TRIP12: variants seen among roughly 807,000 people sequenced by gnomAD.
TRIP12 encodes the protein thyroid hormone receptor interactor 12.
TRIP12 carries 25 observed loss-of-function variants against 244.2 expected under a neutral mutation model. The observed-to-expected ratio is 0.10, with a 90% CI of 0.07 to 0.14. The LOEUF is 0.14. Among genes scored for constraint, TRIP12 ranks in the 10% least tolerant of loss-of-function variants. The pLI is 1.00. For missense variants in TRIP12, 1,677 were observed against 2,486.4 expected (o/e 0.67, Z 6.92); for synonymous variants, 905 against 873.1 (o/e 1.04, Z -0.64).
chr2:229,907,285 A>G (rs2073109086), intron 1 of TRIP12, among the ~76,000 whole-genome samples: 1 of 152,214 alleles, frequency 6.6e-6, no homozygotes, highest in South Asian at 2.1e-4. Context: ...TAAAAACTGA[A>G]AAGAATCCTG....
intron 15 of TRIP12, 74 bp downstream of exon 15, chr2:229,810,806 G>A (rs1384008830): frequency 6.8e-7 from 1 of 1,463,586 alleles, no homozygotes; most frequent in East Asian, 2.3e-5. Flanking sequence ...CATTTGCTCG[G>A]CTTATGTTGA....
chr2:229,893,224 T>C (rs1330376967), intron 1 of TRIP12, among the ~76,000 whole-genome samples: 4 of 152,216 alleles, frequency 2.6e-5, no homozygotes, highest in African/African-American at 7.2e-5. Context: ...ATCCTATTTT[T>C]TGATGTATTT....
intron 17 of TRIP12, among the ~76,000 whole-genome samples, chr2:229,806,756 A>AT (rs1163719970): frequency 1.3e-5 from 2 of 152,196 alleles, no homozygotes; most frequent in Non-Finnish European, 2.9e-5. Flanking sequence ...AAAACTCTTG[A>AT]TTTTATGAGG....
rs373895607 is a variant in TRIP12 at position 229,905,824 on chromosome 2, G to T, written c.-50+16056C>A. Among the ~76,000 whole-genome samples the T allele has an allele frequency of 4.6e-5, 7 of 152,210 alleles. No individual in the cohort carries two copies. In the East Asian group the frequency reaches 7.7e-4, roughly 17 times the overall value. On this transcript the variant is annotated intron_variant, in intron 1 of 41. Transcript: ENST00000675903. ...GGAGAGAACACATGCACTGCACAAA[G>T]CAATTAAGTTCTATAAAAAGCAGGC...
At chr2:229,782,417 T>C (rs1050370711) in intron 34 of TRIP12, among the ~76,000 whole-genome samples, 2 of 152,116 alleles carry the variant, frequency 1.3e-5, no homozygotes, top group African/African-American at 4.8e-5. Flanking sequence ...TCTCTTTCAC[T>C]AAGGTCTAAC....
At chr2:229,897,883 C>A (rs1030645122) in intron 1 of TRIP12, among the ~76,000 whole-genome samples, 3 of 152,202 alleles carry the variant, frequency 2.0e-5, no homozygotes, top group Admixed American at 6.5e-5. Flanking sequence ...ACCTAACACC[C>A]TTCCAGATAG....
chr2:229,849,765 C>T (rs754999092), intron 4 of TRIP12, among the ~76,000 whole-genome samples: 19 of 151,828 alleles, frequency 1.3e-4, no homozygotes, highest in South Asian at 4.1e-4. Context: ...CCCAGCTACC[C>T]GGGATGCTGA....
At chr2:229,784,779 T>C (rs761137465) in intron 34 of TRIP12, among the ~76,000 whole-genome samples, 15 of 152,202 alleles carry the variant, frequency 9.9e-5, no homozygotes, top group Non-Finnish European at 1.9e-4. Flanking sequence ...CCAAGTGTTG[T>C]GAGTATGAGA....
Position 229,796,584 on chromosome 2 carries a change from A to G in TRIP12, c.3816+7T>C. The G allele has an allele frequency of 6.4e-7, 1 of 1,572,844 alleles. No homozygotes were observed. The highest frequency in any genetic ancestry group is 8.6e-7 in the Non-Finnish European group (1 of 1,164,602). ...AAAAGATACACAGGCATTATTAGAT[A>G]ACTTACTGGAGAAGAAAAAAATACA... On this transcript the variant is annotated splice_region_variant and intron_variant, in intron 25 of 41. Coordinates refer to ENST00000675903, the MANE Select transcript of TRIP12 (RefSeq NM_001348323.3).
intron 1 of TRIP12, among the ~76,000 whole-genome samples, chr2:229,910,795 C>A (rs1010849315): frequency 6.6e-6 from 1 of 152,166 alleles, no homozygotes; most frequent in Non-Finnish European, 1.5e-5. Context: ...ATGAACTCTG[C>A]AATTAACAGT....
intron 1 of TRIP12, among the ~76,000 whole-genome samples, chr2:229,914,165 A>G (rs2074921719): frequency 1.3e-5 from 2 of 152,094 alleles, no homozygotes. Context: ...GGATCGCACC[A>G]CTGCACTCCA....
chr2:229,818,034 C>CA (rs1324226599), intron 9 of TRIP12, among the ~76,000 whole-genome samples: 4 of 152,018 alleles, frequency 2.6e-5, no homozygotes. Flanking sequence ...GCCTATTGCT[C>CA]CGTGGATCAC....
chr2:229,909,695 A>T (rs2073877732), intron 1 of TRIP12, among the ~76,000 whole-genome samples: 1 of 152,090 alleles, frequency 6.6e-6, no homozygotes, highest in Non-Finnish European at 1.5e-5. Flanking sequence ...ACCAAAAAAA[A>T]AAAACAAAGT....
intron 13 of TRIP12, 58 bp from the exon 14 acceptor site, chr2:229,811,262 G>A: frequency 1.3e-6 from 2 of 1,509,936 alleles, no homozygotes; most frequent in Non-Finnish European, 9.1e-7. Context: ...TCACTGTCAT[G>A]TATCACTACT....
intron 26 of TRIP12, 30 bp from the exon 27 acceptor site, chr2:229,793,175 T>A (rs766540561): frequency 6.3e-7 from 1 of 1,592,642 alleles, no homozygotes; most frequent in South Asian, 1.1e-5. Context: ...AAAAAGTTAG[T>A]CTATTATTTT....
At chr2:229,824,910 G>A (rs1313200001) in intron 8 of TRIP12, among the ~76,000 whole-genome samples, 2 of 152,090 alleles carry the variant, frequency 1.3e-5, no homozygotes, top group Non-Finnish European at 2.9e-5. Context: ...TTAGAACTAT[G>A]TAAATATTAC....
intron 1 of TRIP12, among the ~76,000 whole-genome samples, chr2:229,881,304 C>A (rs2064830700): frequency 6.6e-6 from 1 of 152,160 alleles, no homozygotes; most frequent in South Asian, 2.1e-4. Context: ...GCCAACATAA[C>A]AATCATAGAA....
At chr2:229,922,602 G>A (rs2154386326), upstream of TRIP12, 2 of 1,613,968 alleles carry the variant, frequency 1.2e-6, no homozygotes, top group Non-Finnish European at 1.7e-6. Flanking sequence ...CTGGTCACCC[G>A]GTCTCAGGCA....
chr2:229,778,615 CAGAT>C lies in TRIP12; in HGVS notation c.5210-32_5210-29del, dbSNP rs1179052936. ...GAAAAACAAGCAATGCAGCAAACTT[CAGAT>C]GATGTTTCCAAAAACAAAACAAAAC... is the stretch of plus-strand genomic sequence containing the variant. On this transcript the variant is annotated intron_variant, in intron 35 of 41. Coordinates refer to ENST00000675903, the MANE Select transcript of TRIP12 (RefSeq NM_001348323.3). The surrounding 1 kb of genome is among the most constrained non-coding windows in gnomAD (Gnocchi z 4.1). 2.3e-5 allele frequency: 37 copies of C among 1,587,940 alleles called. No individual in the cohort carries two copies. The highest frequency in any genetic ancestry group is 3.2e-5 in the Non-Finnish European group (37 of 1,168,852).
Sources: allele counts gnomAD v4.1 joint callset (sites outside exome capture counted in the v4.1 genomes callset), GRCh38; gene constraint gnomAD v4.1.1; non-coding constraint Gnocchi (gnomAD v3.1); transcripts MANE v1.5; gene names NCBI Gene and HGNC (gene_info 2026-07-23, HGNC 2026-07-21).